The following TRPS1 variants were observed in gnomAD, a reference collection of about 807,000 sequenced individuals.
TRPS1 encodes zinc finger transcription factor Trps1.
A neutral mutation model predicts 101.2 loss-of-function variants in TRPS1; 6 were observed. The observed-to-expected ratio is 0.06, with a 90% CI of 0.03 to 0.12. The LOEUF (loss-of-function observed/expected upper bound fraction) is 0.12. Ranked by LOEUF, TRPS1 falls within the 10% of genes least tolerant of loss-of-function variation. TRPS1 has a pLI of 1.00. For missense variants in TRPS1, 1,363 were observed against 1,567.0 expected (o/e 0.87, Z 2.20); for synonymous variants, 578 against 589.8 (o/e 0.98, Z 0.29).
rs1223455492 is a variant in TRPS1 at position 115,408,710 on chromosome 8, A to G, written c.*5313T>C. On this transcript the variant is annotated 3_prime_UTR_variant, in exon 7 of 7. Transcript: ENST00000395715. ...ACATTCTAGTATTCAAATCAGGACTACAAATTGAATTCTTTTTCTTAGCAA... is the reference window on the plus strand; with the variant it reads ...ACATTCTAGTATTCAAATCAGGACTGCAAATTGAATTCTTTTTCTTAGCAA... 6.6e-6 allele frequency: 1 copy of G among 152,160 alleles called. No individual in the cohort carries two copies. Among genetic ancestry groups the G allele is most frequent in the Non-Finnish European group, 1.5e-5 (1 of 67,936 alleles). The allele number at this position is 152,160 out of a possible 1,614,324, so 9.4% of individuals were successfully genotyped here. A position where few individuals can be genotyped will look rare whatever the true frequency, so the allele number is the denominator to read the frequency against.
chr8:115,533,501 A>C (rs982016004), intron 5 of TRPS1, among the ~76,000 whole-genome samples: 1 of 135,722 alleles, frequency 7.4e-6, no homozygotes, highest in African/African-American at 2.7e-5. Flanking sequence ...AATATTTCAA[A>C]CATGCAAACT....
chr8:115,637,804 A>G (rs1222650518), intron 1 of TRPS1, among the ~76,000 whole-genome samples: 3 of 152,142 alleles, frequency 2.0e-5, no homozygotes, highest in Admixed American at 2.0e-4. Flanking sequence ...AACTTATTGA[A>G]AAGACAAAAA....
chr8:115,648,683 C>T (rs1563669277), intron 1 of TRPS1, among the ~76,000 whole-genome samples: 2 of 118,196 alleles, frequency 1.7e-5, no homozygotes, highest in African/African-American at 4.4e-5. Flanking sequence ...GAAAATGTCC[C>T]TTATTATTAT....
chr8:115,560,689 A>T (rs893662833), intron 5 of TRPS1, among the ~76,000 whole-genome samples: 13 of 152,078 alleles, frequency 8.5e-5, no homozygotes, highest in African/African-American at 2.9e-4. Flanking sequence ...CAGAAACTGG[A>T]CTGGATGAAT....
intron 1 of TRPS1, among the ~76,000 whole-genome samples, chr8:115,641,636 T>G (rs1818897311): frequency 1.3e-5 from 2 of 152,244 alleles, no homozygotes; most frequent in South Asian, 4.1e-4. Flanking sequence ...CCATTTTCAT[T>G]TGGGAGGCCA....
At chr8:115,578,874 G>T (rs1010622472) in intron 5 of TRPS1, among the ~76,000 whole-genome samples, 1 of 152,106 alleles carries the variant, frequency 6.6e-6, no homozygotes, top group South Asian at 2.1e-4. Context: ...ACATAAAAAC[G>T]TGTATGCTTA....
intron 1 of TRPS1, among the ~76,000 whole-genome samples, chr8:115,652,749 G>A (rs1167854318): frequency 1.3e-5 from 2 of 152,194 alleles, no homozygotes; most frequent in African/African-American, 4.8e-5. Context: ...CAAATAGCCA[G>A]AAGATAATGC....
rs368166434 is a variant in TRPS1, at chr8:115,603,883, G to C, written c.2086C>G (p.Arg696Gly). ...FITQVEEEIS[R>G]HYRRAHSCYK... ...CCCCCCATGCCTCACCTGTAGTGTC[G>C]GGAAATCTCTTCTTCCACTTGGGTA... is the stretch of plus-strand genomic sequence containing the variant. Residue 696 changes from arginine to glycine, a missense_variant, in exon 4 of 7, where the codon CGA becomes GGA. This residue lies in a region of TRPS1 where 1,020 missense variants were observed against 1,073.0 expected (regional missense o/e 0.95). Coordinates refer to ENST00000395715, the MANE Select transcript of TRPS1 (RefSeq NM_014112.5). 1.2e-6 allele frequency: 2 copies of C among 1,613,678 alleles called. No individual in the cohort carries two copies. Among genetic ancestry groups the C allele is most frequent in the Non-Finnish European group, 1.7e-6 (2 of 1,179,858 alleles).
At chr8:115,432,635 T>C (rs887177656) in intron 5 of TRPS1, among the ~76,000 whole-genome samples, 1 of 151,988 alleles carries the variant, frequency 6.6e-6, no homozygotes, top group Non-Finnish European at 1.5e-5. Context: ...AAAGTGTGCC[T>C]GCTATATAAA....
At chr8:115,473,151 T>C (rs555741940) in intron 5 of TRPS1, among the ~76,000 whole-genome samples, 1 of 152,210 alleles carries the variant, frequency 6.6e-6, no homozygotes, top group Non-Finnish European at 1.5e-5. Context: ...CATTCTCATA[T>C]TGTTATAAAG....
intron 5 of TRPS1, among the ~76,000 whole-genome samples, chr8:115,435,891 T>C (rs1813436515): frequency 6.6e-6 from 1 of 151,982 alleles, no homozygotes; most frequent in Non-Finnish European, 1.5e-5. Context: ...GGAAGTAAGG[T>C]AAATATACAT....
intron 5 of TRPS1, among the ~76,000 whole-genome samples, chr8:115,510,794 C>T (rs899348539): frequency 3.9e-5 from 6 of 151,968 alleles, no homozygotes; most frequent in East Asian, 3.9e-4. Context: ...CATACTGAAG[C>T]GTTTTGTGGA....
At chr8:115,449,148 T>C (rs1813806912) in intron 5 of TRPS1, among the ~76,000 whole-genome samples, 2 of 152,318 alleles carry the variant, frequency 1.3e-5, no homozygotes, top group Middle Eastern at 3.4e-3. Context: ...TCCTCTGTTA[T>C]AAAGAAAGGA....
At position 115,566,302 on chromosome 8, in the gene TRPS1, T is replaced by C. The variant is rs546336311; in HGVS notation, c.2700+20699A>G. Among the ~76,000 whole-genome samples the C allele has an allele frequency of 3.0e-4, 45 of 152,240 alleles. 1 individual carries two copies. In the South Asian group the frequency reaches 9.1e-3, roughly 31 times the overall value. ...TTGCCAAAAGGCAAGTGGTCAGAAT[T>C]GTGGACAGAAGCTACCCTACAGTTC... On this transcript the variant is annotated intron_variant, in intron 5 of 6. Transcript: ENST00000395715.
Position 115,409,261 on chromosome 8 carries a change from G to GAGAAAAAAAA in TRPS1, c.*4761_*4762insTTTTTTTTCT, listed in dbSNP as rs1554615579. The GAGAAAAAAAA allele has an allele frequency of 3.9e-5, 4 of 102,262 alleles. No homozygotes were observed. The highest frequency in any genetic ancestry group is 1.6e-4 in the African/African-American group (4 of 24,726). 6.3% of individuals were successfully genotyped at this position (102,262 alleles called of 1,614,324 possible). On this transcript the variant is annotated 3_prime_UTR_variant, in exon 7 of 7. Coordinates refer to ENST00000395715, the MANE Select transcript of TRPS1 (RefSeq NM_014112.5). ...TGATATGCTGCAGTTTATATGTTGGGAAAAAAAAAAAAAAAAAAAACAGGG... is the reference window on the plus strand; with the variant it reads ...TGATATGCTGCAGTTTATATGTTGGGAGAAAAAAAAAAAAAAAAAAAAAAAAAAAACAGGG...
At chr8:115,657,634 G>A (rs1374952236) in intron 1 of TRPS1, among the ~76,000 whole-genome samples, 1 of 151,986 alleles carries the variant, frequency 6.6e-6, no homozygotes, top group African/African-American at 2.4e-5. Flanking sequence ...CATCATCCAT[G>A]GTCGAATGGT....
chr8:115,593,583 A>G (rs1211776023), intron 4 of TRPS1, among the ~76,000 whole-genome samples: 2 of 152,164 alleles, frequency 1.3e-5, no homozygotes, highest in Non-Finnish European at 2.9e-5. Flanking sequence ...CACACTTCCA[A>G]ATAATAAGAC....
In TRPS1 at chr8:115,409,095, C is replaced by G. The variant is rs980671562; in HGVS notation, c.*4928G>C. ...CTTGGCCACATAATAATACTTGGCACTCCTATGGTGCCTTTCAACCAAGGA... is the reference window on the plus strand; with the variant it reads ...CTTGGCCACATAATAATACTTGGCAGTCCTATGGTGCCTTTCAACCAAGGA... On this transcript the variant is annotated 3_prime_UTR_variant, in exon 7 of 7. Transcript: ENST00000395715. The G allele has an allele frequency of 6.6e-6, 1 of 151,582 alleles. No homozygotes were observed. Among genetic ancestry groups the G allele is most frequent in the African/African-American group, 2.4e-5 (1 of 41,252 alleles). 9.4% of individuals were successfully genotyped at this position (151,582 alleles called of 1,614,324 possible). A position where few individuals can be genotyped will look rare whatever the true frequency, so the allele number is the denominator to read the frequency against.
chr8:115,575,032 T>A (rs536498568), intron 5 of TRPS1, among the ~76,000 whole-genome samples: 14 of 152,152 alleles, frequency 9.2e-5, no homozygotes, highest in Non-Finnish European at 1.2e-4. Context: ...ATACATGATC[T>A]GGTAAAGTGA....
Sources: gnomAD v4.1 joint callset for allele counts (sites outside exome capture counted in the v4.1 genomes callset) on GRCh38, gnomAD v4.1.1 for gene constraint, gnomAD v4.1.1 regional missense constraint, MANE v1.5 for transcripts, NCBI Gene and HGNC (gene_info 2026-07-23, HGNC 2026-07-21) for gene names.